PALM2AKAP2: variants seen among roughly 807,000 people sequenced by gnomAD.
The protein encoded by PALM2AKAP2 is PALM2-AKAP2 fusion protein.
Under a neutral mutation model 71.5 loss-of-function variants are expected in PALM2AKAP2, and 37 were observed. The ratio of observed to expected loss-of-function variants is 0.52; its 90% CI spans 0.40 to 0.68. The LOEUF (loss-of-function observed/expected upper bound fraction) is 0.68. Among genes scored for constraint, PALM2AKAP2 ranks in the 30% least tolerant of loss-of-function variants. The pLI, the probability that PALM2AKAP2 is intolerant of heterozygous loss-of-function variation, is 0.00. For synonymous variants in PALM2AKAP2, 468 were observed against 478.8 expected (o/e 0.98, Z 0.29); for missense variants, 1,224 against 1,191.8 (o/e 1.03, Z -0.40).
chr9:109,973,950 G>A (rs571692843), intron 6 of PALM2AKAP2, among the ~76,000 whole-genome samples: 2 of 152,280 alleles, frequency 1.3e-5, no homozygotes, highest in African/African-American at 4.8e-5. Context: ...CTGGCGCTGT[G>A]CTGGGCATTG....
At chr9:109,850,477 T>C (rs1828980025) in intron 1 of PALM2AKAP2, among the ~76,000 whole-genome samples, 1 of 152,228 alleles carries the variant, frequency 6.6e-6, no homozygotes, top group African/African-American at 2.4e-5. Flanking sequence ...ACCCATGTCC[T>C]TGGGTTGAAA....
intron 3 of PALM2AKAP2, among the ~76,000 whole-genome samples, chr9:109,917,941 A>C (rs895789085): frequency 3.9e-5 from 6 of 152,182 alleles, no homozygotes; most frequent in Non-Finnish European, 8.8e-5. Flanking sequence ...TGCCATCCCC[A>C]ACCAAATAAG....
intron 1 of PALM2AKAP2, among the ~76,000 whole-genome samples, chr9:110,094,668 C>CG (rs372383538): frequency 0.1 from 528 of 5,226 alleles, 4 homozygotes; most frequent in Middle Eastern, 0.29. Context: ...CACCACGGGG[C>CG]GGGGGGGCGG....
intron 6 of PALM2AKAP2, among the ~76,000 whole-genome samples, chr9:109,933,601 A>C (rs1831158321): frequency 6.6e-6 from 1 of 152,264 alleles, no homozygotes; most frequent in Non-Finnish European, 1.5e-5. Flanking sequence ...GTGCTGTGTA[A>C]GCAGCAATAC....
At chr9:109,752,894 G>C (rs1828905939) in intron 1 of PALM2AKAP2, among the ~76,000 whole-genome samples, 1 of 152,170 alleles carries the variant, frequency 6.6e-6, no homozygotes, top group African/African-American at 2.4e-5. Flanking sequence ...GAGTAGCAGT[G>C]AGTAGAGAGA....
At chr9:110,006,646 A>G (rs985725288) in intron 6 of PALM2AKAP2, among the ~76,000 whole-genome samples, 2 of 152,120 alleles carry the variant, frequency 1.3e-5, no homozygotes, top group African/African-American at 4.8e-5. Flanking sequence ...TACAGGCATG[A>G]GCTACCATTC....
At chr9:109,722,382 T>C (rs887864758) in intron 1 of PALM2AKAP2, among the ~76,000 whole-genome samples, 3 of 152,128 alleles carry the variant, frequency 2.0e-5, no homozygotes, top group Non-Finnish European at 4.4e-5. Context: ...AGTGGAGAGT[T>C]GGGTAACTGA....
chr9:109,972,313 T>C lies in PALM2AKAP2; in HGVS notation c.496+40285T>C, dbSNP rs533716371. On this transcript the variant is annotated intron_variant, in intron 6 of 9. Coordinates refer to the PALM2AKAP2 transcript ENST00000302798. ...ATTCTAGCTTCCCCAATACTACTTGTCTCTTACCATTCCGTTGTCTTGAGT... is the reference window on the plus strand; with the variant it reads ...ATTCTAGCTTCCCCAATACTACTTGCCTCTTACCATTCCGTTGTCTTGAGT... 4.6e-5 allele frequency among the ~76,000 whole-genome samples: 7 copies of C among 152,334 alleles called. No individual in the cohort carries two copies. In the South Asian group the frequency reaches 1.4e-3, roughly 32 times the overall value.
intron 6 of PALM2AKAP2, among the ~76,000 whole-genome samples, chr9:109,933,790 A>G (rs189974256): frequency 7.2e-5 from 11 of 152,288 alleles, no homozygotes; most frequent in African/African-American, 2.2e-4. Context: ...GTGGGATTAC[A>G]TATAAGCAGA....
At chr9:109,910,831 G>T (rs1475236387) in intron 3 of PALM2AKAP2, among the ~76,000 whole-genome samples, 1 of 152,198 alleles carries the variant, frequency 6.6e-6, no homozygotes, top group Non-Finnish European at 1.5e-5. Context: ...GCTGAGGAGG[G>T]GTCAGGATGT....
chr9:109,882,444 A>T (rs1191272362), intron 3 of PALM2AKAP2, among the ~76,000 whole-genome samples: 1 of 152,228 alleles, frequency 6.6e-6, no homozygotes, highest in African/African-American at 2.4e-5. Flanking sequence ...GTACATATAC[A>T]TATGTATACT....
intron 2 of PALM2AKAP2, among the ~76,000 whole-genome samples, chr9:109,869,601 G>A (rs1409397301): frequency 6.0e-5 from 9 of 151,028 alleles, no homozygotes; most frequent in Admixed American, 4.0e-4. Context: ...GCCTCCCAAA[G>A]TGCTGGGATT....
chr9:110,092,643 A>G (rs1834739554), intron 1 of PALM2AKAP2, among the ~76,000 whole-genome samples: 1 of 152,208 alleles, frequency 6.6e-6, no homozygotes, highest in African/African-American at 2.4e-5. Flanking sequence ...AACTGGCTTA[A>G]TAAGTGGAAT....
chr9:109,954,673 A>T (rs1366778133), intron 6 of PALM2AKAP2, among the ~76,000 whole-genome samples: 6 of 150,438 alleles, frequency 4.0e-5, no homozygotes, highest in African/African-American at 1.5e-4. Flanking sequence ...AAAAAAAAAA[A>T]AAAAAAAAGA....
chr9:109,835,315 G>C lies in PALM2AKAP2; in HGVS notation c.46-32176G>C, dbSNP rs186113775. ...AGGGTGGGGGAAAGAGGGGAGGGTG[G>C]AGAGATGGAGAGGAGGGTGGAGGGA... On this transcript the variant is annotated intron_variant, in intron 1 of 9. Transcript: ENST00000302798. Among the ~76,000 whole-genome samples the C allele has an allele frequency of 2.0e-3, 288 of 144,518 alleles. 4 individuals carry two copies. The highest frequency in any genetic ancestry group is 6.9e-3 in the African/African-American group (268 of 39,012). The allele number at this position is 144,518 out of a possible 152,430, so 94.8% of individuals were successfully genotyped here.
At chr9:110,100,252 T>G (rs1475040381) in intron 1 of PALM2AKAP2, among the ~76,000 whole-genome samples, 1 of 151,956 alleles carries the variant, frequency 6.6e-6, no homozygotes, top group Non-Finnish European at 1.5e-5. Context: ...AGGTGAAGGC[T>G]GCCTTGCTGC....
At chr9:110,069,052 G>A (rs1003392117) in intron 1 of PALM2AKAP2, among the ~76,000 whole-genome samples, 11 of 152,198 alleles carry the variant, frequency 7.2e-5, no homozygotes, top group African/African-American at 2.2e-4. Flanking sequence ...AAGCCACAGT[G>A]TAATTCACAG....
At chr9:109,764,739 C>T (rs938409730) in intron 1 of PALM2AKAP2, among the ~76,000 whole-genome samples, 6 of 151,572 alleles carry the variant, frequency 4.0e-5, no homozygotes, top group South Asian at 2.1e-4. Context: ...GATGGATGGA[C>T]GGATGGATGG....
intron 6 of PALM2AKAP2, among the ~76,000 whole-genome samples, chr9:109,989,956 G>T (rs1472777097): frequency 1.3e-5 from 2 of 152,020 alleles, no homozygotes; most frequent in Non-Finnish European, 2.9e-5. Flanking sequence ...GGAAAACATA[G>T]TTACTTCCTA....
Sources: allele counts gnomAD v4.1 joint callset (sites outside exome capture counted in the v4.1 genomes callset), GRCh38; gene constraint gnomAD v4.1.1; transcripts MANE v1.5; gene names NCBI Gene and HGNC (gene_info 2026-07-23, HGNC 2026-07-21).